The following C12orf50 variants were observed in gnomAD, a reference collection of about 807,000 sequenced individuals.
C12orf50 encodes uncharacterized protein C12orf50.
C12orf50 carries 35 observed loss-of-function variants against 61.6 expected under a neutral mutation model. The observed-to-expected ratio is 0.57, with a 90% confidence interval of 0.43 to 0.75. The LOEUF (loss-of-function observed/expected upper bound fraction) is 0.75, where lower values mean the gene tolerates loss of function less well. Ranked by LOEUF, C12orf50 falls within the 30% of genes least tolerant of loss-of-function variation. C12orf50 has a pLI of 0.00. For synonymous variants in C12orf50, 178 were observed against 161.5 expected (o/e 1.10, Z -0.77); for missense variants, 475 against 488.5 (o/e 0.97, Z 0.26).
At chr12:87,981,184 C>T (rs1436003590) in intron 12 of C12orf50, among the ~76,000 whole-genome samples, 1 of 152,182 alleles carries the variant, frequency 6.6e-6, no homozygotes, top group African/African-American at 2.4e-5. Context: ...ATTTCAGTCA[C>T]ATTCAGATTT....
At chr12:88,007,619 G>A (rs1215617392) in intron 3 of C12orf50, among the ~76,000 whole-genome samples, 1 of 152,196 alleles carries the variant, frequency 6.6e-6, no homozygotes, top group Non-Finnish European at 1.5e-5. Context: ...CAAGCCCTGT[G>A]TGAAGCCTCT....
intron 7 of C12orf50, among the ~76,000 whole-genome samples, chr12:87,992,914 A>G (rs1364507059): frequency 6.6e-6 from 1 of 152,138 alleles, no homozygotes; most frequent in Non-Finnish European, 1.5e-5. Flanking sequence ...TTCAGTTTTG[A>G]TCATCTTCAT....
chr12:87,991,934 G>A (rs547609564), intron 7 of C12orf50, among the ~76,000 whole-genome samples: 19 of 152,280 alleles, frequency 1.2e-4, no homozygotes, highest in African/African-American at 4.6e-4. Flanking sequence ...CGTACGCAGA[G>A]TGGTGAAAAT....
rs1180327931 is a variant in C12orf50, at chr12:87,989,316, T to C, written c.648A>G (p.Glu216=). The change falls in exon 8 of 13, where the codon GAA becomes GAG. Residue 216 remains glutamate (E), a synonymous_variant. Transcript: ENST00000298699. ...RVIFLGVDES[E]ALTEEKEITI... ...TGATTTCTTTCTCTTCAGTTAAAGCTTCACTTTCATCGACTCCAAGAAATA... is the reference window on the plus strand; with the variant it reads ...TGATTTCTTTCTCTTCAGTTAAAGCCTCACTTTCATCGACTCCAAGAAATA... 3.1e-6 allele frequency: 5 copies of C among 1,611,892 alleles called. No individual in the cohort carries two copies. The highest frequency in any genetic ancestry group is 1.3e-5 in the African/African-American group (1 of 74,852).
At chr12:87,995,757 G>A (rs2031357098) in intron 6 of C12orf50, among the ~76,000 whole-genome samples, 1 of 152,070 alleles carries the variant, frequency 6.6e-6, no homozygotes, top group East Asian at 1.9e-4. Context: ...AAGGTTTGCG[G>A]GCTCTTCTCC....
In C12orf50 at chr12:87,987,834, A is replaced by C; in HGVS notation, c.817+16T>G. 1.4e-5 allele frequency: 21 copies of C among 1,487,744 alleles called. No homozygotes were observed. The highest frequency in any genetic ancestry group is 1.7e-5 in the Non-Finnish European group (18 of 1,070,908). The allele number at this position is 1,487,744 out of a possible 1,614,324, so 92.2% of individuals were successfully genotyped here. On this transcript the variant is annotated intron_variant, in intron 9 of 12. Transcript: ENST00000298699. ...AATATATCTGAGGCCAAAAAGTGAT[A>C]GAGCTAATGTCTCACTTGAAGAGGG... is the stretch of plus-strand genomic sequence containing the variant.
Position 87,980,210 on chromosome 12 carries a change from G to T in C12orf50, c.*121C>A. The stretch of plus-strand genomic sequence containing the variant: ...CAGAATTTGCATTTTTATCATCTTT[G>T]GCTATCCACTACATAACATGGAGTA... On this transcript the variant is annotated 3_prime_UTR_variant, in exon 13 of 13. Transcript: ENST00000298699. 2 of 944,440 alleles carry T rather than the reference G, an allele frequency of 2.1e-6. No individual in the cohort carries two copies. Among genetic ancestry groups the T allele is most frequent in the South Asian group, 2.9e-5 (2 of 68,252 alleles). The allele number at this position is 944,440 out of a possible 1,614,324, so 58.5% of individuals were successfully genotyped here.
rs147512612 is a variant in C12orf50, at chr12:88,005,482, T to C, written c.134-7292A>G. On this transcript the variant is annotated intron_variant, in intron 3 of 12. Coordinates refer to ENST00000298699, the MANE Select transcript of C12orf50 (RefSeq NM_152589.3). ...TGTTAGCTTCCATTCATTGCTGGTG[T>C]AATGCCCCATTGTTTTCATCAATGC... is the stretch of plus-strand genomic sequence containing the variant. 3.2e-4 allele frequency among the ~76,000 whole-genome samples: 49 copies of C among 152,320 alleles called. 1 individual carries two copies. The highest frequency in any genetic ancestry group is 1.2e-3 in the African/African-American group (48 of 41,562).
intron 1 of C12orf50, among the ~76,000 whole-genome samples, chr12:88,028,315 A>G (rs1468780829): frequency 6.6e-6 from 1 of 152,206 alleles, no homozygotes; most frequent in South Asian, 2.1e-4. Context: ...TTCTGTGGTC[A>G]GAGAGGTTGA....
At chr12:88,017,602 A>G (rs2032359489) in intron 3 of C12orf50, among the ~76,000 whole-genome samples, 1 of 152,210 alleles carries the variant, frequency 6.6e-6, no homozygotes, top group African/African-American at 2.4e-5. Flanking sequence ...AGAGGTTGGA[A>G]CAGTTTGAAG....
intron 8 of C12orf50, among the ~76,000 whole-genome samples, chr12:87,988,209 A>G (rs2030933064): frequency 6.6e-6 from 1 of 152,178 alleles, no homozygotes; most frequent in African/African-American, 2.4e-5. Flanking sequence ...TAAATAAAAA[A>G]TCGTGGCAGT....
intron 3 of C12orf50, among the ~76,000 whole-genome samples, chr12:88,023,283 G>T (rs147668962): frequency 6.6e-6 from 1 of 152,052 alleles, no homozygotes; most frequent in African/African-American, 2.4e-5. Context: ...AATAAATGAT[G>T]CTGGAATAAC....
chr12:87,989,084 C>CA (rs1430864070), intron 8 of C12orf50, among the ~76,000 whole-genome samples, 180 bp downstream of exon 8: 8 of 151,746 alleles, frequency 5.3e-5, no homozygotes, highest in South Asian at 2.1e-4. Context: ...GGTAAGAAAA[C>CA]AAAAAAATGG....
At chr12:87,998,277 A>T in intron 3 of C12orf50, 87 bp from the exon 4 acceptor site, 2 of 976,688 alleles carry the variant, frequency 2.0e-6, no homozygotes, top group Non-Finnish European at 2.9e-6. Flanking sequence ...CTCCTAATTA[A>T]CTATATATTA....
chr12:88,012,772 ATAT>A (rs1298964203), intron 3 of C12orf50, among the ~76,000 whole-genome samples: 6 of 152,212 alleles, frequency 3.9e-5, no homozygotes, highest in Admixed American at 2.0e-4. Flanking sequence ...TTTAAAATGT[ATAT>A]GACATGGGGA....
At chr12:88,023,121 G>T (rs925270547) in intron 3 of C12orf50, among the ~76,000 whole-genome samples, 2 of 151,848 alleles carry the variant, frequency 1.3e-5, no homozygotes, top group African/African-American at 4.8e-5. Context: ...ACAGGTCTAC[G>T]GTAACCAAAA....
intron 3 of C12orf50, among the ~76,000 whole-genome samples, chr12:88,018,855 C>T (rs1279587317): frequency 6.6e-6 from 1 of 151,874 alleles, no homozygotes; most frequent in Admixed American, 6.6e-5. Flanking sequence ...TCTCCCATTT[C>T]GAATGGCTGT....
At chr12:87,988,479 T>A (rs928395350) in intron 8 of C12orf50, among the ~76,000 whole-genome samples, 5 of 152,192 alleles carry the variant, frequency 3.3e-5, no homozygotes. Flanking sequence ...CTGAATTTTT[T>A]ATTTTATTCA....
chr12:88,026,435 C>A, intron 3 of C12orf50, 53 bp downstream of exon 3: 2 of 1,580,502 alleles, frequency 1.3e-6, no homozygotes, highest in South Asian at 1.2e-5. Context: ...TGCTGCTAGT[C>A]CAAAACCAGA....
Sources: gnomAD v4.1 joint callset for allele counts (sites outside exome capture counted in the v4.1 genomes callset) on GRCh38, gnomAD v4.1.1 for gene constraint, MANE v1.5 for transcripts, NCBI Gene and HGNC (gene_info 2026-07-23, HGNC 2026-07-21) for gene names.